TAOK2: variants seen among roughly 807,000 people sequenced by gnomAD.
TAOK2 encodes TAO kinase 2, also known as serine/threonine-protein kinase TAO2.
Under a neutral mutation model 122.5 loss-of-function variants are expected in TAOK2, and 42 were observed. That is an observed-to-expected ratio of 0.34 (90% confidence interval 0.27 to 0.44). The LOEUF (loss-of-function observed/expected upper bound fraction) is 0.44. Among genes scored for constraint, TAOK2 ranks in the 20% least tolerant of loss-of-function variants. TAOK2 has a pLI of 1.00. For synonymous variants in TAOK2, 704 were observed against 677.6 expected, an observed-to-expected ratio of 1.04 and a Z score of -0.61; for missense variants, 1,264 against 1,644.9, an observed-to-expected ratio of 0.77 and a Z score of 4.01.
chr16:29,986,142 T>C lies in TAOK2; in HGVS notation c.1993-123T>C, dbSNP rs149977682. On this transcript the variant is annotated intron_variant, in intron 15 of 15. Coordinates refer to ENST00000308893, the MANE Select transcript of TAOK2 (RefSeq NM_016151.4). This position sits in a 1 kb window ranked among gnomAD's most constrained non-coding sequence, Gnocchi z 4.2. Reference sequence around the variant, plus strand: ...GAGCCCTGGCCCCTCACTTCCTTGATACTGACCAGGCCCTGGGCCCTGTGT... The same window carrying C: ...GAGCCCTGGCCCCTCACTTCCTTGACACTGACCAGGCCCTGGGCCCTGTGT... 1.8e-4 allele frequency: 260 copies of C among 1,424,274 alleles called. 2 individuals are homozygous for C. The African/African-American group carries it at 2.9e-3, about 16-fold the overall frequency. The allele number at this position is 1,424,274 out of a possible 1,614,324, so 88.2% of individuals were successfully genotyped here.
At chr16:29,988,430 TC>T (rs1266902534), downstream of TAOK2, 7 of 1,284,024 alleles carry the variant, frequency 5.5e-6, no homozygotes, top group African/African-American at 1.1e-4. Flanking sequence ...GTCTGCTTTG[TC>T]CTGCCGCCTA....
chr16:29,988,030 C>A lies in TAOK2; in HGVS notation c.*50C>A. ...ATCTAGAGCATTGAGCACTTTATCTCCCACGACTCAGTGAAGTTTCTCCAG... is the reference window on the plus strand; with the variant it reads ...ATCTAGAGCATTGAGCACTTTATCTACCACGACTCAGTGAAGTTTCTCCAG... On this transcript the variant is annotated 3_prime_UTR_variant, in exon 16 of 16. Coordinates refer to ENST00000308893, the MANE Select transcript of TAOK2 (RefSeq NM_016151.4). The A allele has an allele frequency of 6.7e-7, 1 of 1,488,146 alleles. No homozygotes were observed. 92.2% of individuals were successfully genotyped at this position (1,488,146 alleles called of 1,614,324 possible).
At position 29,978,175 on chromosome 16, in the gene TAOK2, A is replaced by G. The variant is rs376325021; in HGVS notation, c.204+15A>G. ...AGTCCAATGAGGTGGGCCAGGTGCA[A>G]TACAGCCAGGTTGGGGACAGGGGAC... On this transcript the variant is annotated intron_variant, in intron 3 of 15. Coordinates refer to ENST00000308893, the MANE Select transcript of TAOK2 (RefSeq NM_016151.4). 4 of 1,613,914 alleles carry G rather than the reference A, an allele frequency of 2.5e-6. No homozygotes were observed. Among genetic ancestry groups the G allele is most frequent in the South Asian group, 1.1e-5 (1 of 91,080 alleles).
At chr16:29,974,811 T>C (rs2069402957) in intron 1 of TAOK2, among the ~76,000 whole-genome samples, 163 bp downstream of exon 1, 1 of 152,104 alleles carries the variant, frequency 6.6e-6, no homozygotes, top group South Asian at 2.1e-4. Flanking sequence ...TGCCACCCCC[T>C]TCCCCTTCCT....
At chr16:29,991,469 G>T, downstream of TAOK2, 1 of 1,494,780 alleles carries the variant, frequency 6.7e-7, no homozygotes, top group African/African-American at 1.4e-5. This position sits in a 1 kb window ranked among gnomAD's most constrained non-coding sequence, Gnocchi z 5.6. Flanking sequence ...GTGGCAGTGA[G>T]AATGTGGGCC....
intron 1 of TAOK2, among the ~76,000 whole-genome samples, chr16:29,975,705 T>C (rs2069434208): frequency 6.6e-6 from 1 of 152,202 alleles, no homozygotes; most frequent in Non-Finnish European, 1.5e-5. Context: ...GTGGCATCTT[T>C]TAACTGTTCA....
intron 12 of TAOK2, 64 bp downstream of exon 12, chr16:29,983,396 C>G: frequency 6.4e-7 from 1 of 1,561,012 alleles, no homozygotes; most frequent in Non-Finnish European, 8.7e-7. Context: ...TCTTCGCCCT[C>G]CTTCCCTAAG....
At position 29,986,844 on chromosome 16, in the gene TAOK2, G is replaced by A; in HGVS notation, c.2572G>A (p.Glu858Lys). 1 of 1,614,026 alleles carries A rather than the reference G, an allele frequency of 6.2e-7. No homozygotes were observed. The highest frequency in any genetic ancestry group is 8.5e-7 in the Non-Finnish European group (1 of 1,179,942). ...TAGGGTGCCCTCCCTTGTACCCCAG[G>A]AGAGGAGCATTGTTGGCCAGGAGGA... ...ELRVPSLVPQ[E>K]RSIVGQEEAG... Residue 858 changes from glutamate to lysine, a missense_variant, in exon 16 of 16, where the codon GAG becomes AAG. Physicochemically the swap from Glu to Lys is moderately conservative, Grantham distance 56. Transcript: ENST00000308893. This position sits in a 1 kb window ranked among gnomAD's most constrained non-coding sequence, Gnocchi z 4.2.
chr16:29,979,599 G>T lies in TAOK2; in HGVS notation c.655+91G>T. The T allele has an allele frequency of 4.6e-6, 5 of 1,077,482 alleles. No individual in the cohort carries two copies. Among genetic ancestry groups the T allele is most frequent in the Non-Finnish European group, 6.5e-6 (5 of 771,636 alleles). 66.7% of individuals were successfully genotyped at this position (1,077,482 alleles called of 1,614,324 possible). A position where few individuals can be genotyped will look rare whatever the true frequency, so the allele number is the denominator to read the frequency against. The stretch of plus-strand genomic sequence containing the variant: ...GACTACCCCCTTCTCCTAGGGATGG[G>T]ATCCCAGGCCTCCAAGTTCCTGTCC... On this transcript the variant is annotated intron_variant, in intron 8 of 15. Coordinates refer to ENST00000308893, the MANE Select transcript of TAOK2 (RefSeq NM_016151.4). The surrounding 1 kb of genome is among the most constrained non-coding windows in gnomAD (Gnocchi z 4.1).
At position 29,979,249 on chromosome 16, in the gene TAOK2, G is replaced by A; in HGVS notation, c.504G>A (p.Gly168=). The A allele has an allele frequency of 1.9e-6, 3 of 1,614,178 alleles. No homozygotes were observed. Among genetic ancestry groups the A allele is most frequent in the Non-Finnish European group, 1.7e-6 (2 of 1,180,038 alleles). Residue 168 remains glycine (G), a synonymous_variant, in exon 7 of 16, where the codon GGG becomes GGA. Transcript: ENST00000308893. This position sits in a 1 kb window ranked among gnomAD's most constrained non-coding sequence, Gnocchi z 4.1. ...LLSEPGLVKL[G]DFGSASIMAP... ...CAGAGCCAGGGTTAGTGAAGCTAGG[G>A]GACTTTGGTTCTGCGTCCATCATGG...
downstream of TAOK2, chr16:29,989,315 C>T (rs1165387607): frequency 2.0e-6 from 2 of 984,752 alleles, no homozygotes; most frequent in South Asian, 4.7e-5. Flanking sequence ...CTCTTGGAAC[C>T]TCTTGTCTTC....
downstream of TAOK2, chr16:29,989,565 A>G (rs1196680813): frequency 5.6e-6 from 9 of 1,609,024 alleles, no homozygotes; most frequent in Non-Finnish European, 7.6e-6. Context: ...CGCTGCCCCC[A>G]TCTCCCCTTG....
Position 29,985,035 on chromosome 16 carries a change from A to G in TAOK2, c.1423-178A>G. 1 of 771,468 alleles carries G rather than the reference A, an allele frequency of 1.3e-6. No individual in the cohort carries two copies. The highest frequency in any genetic ancestry group is 1.8e-6 in the Non-Finnish European group (1 of 541,966). 47.8% of individuals were successfully genotyped at this position (771,468 alleles called of 1,614,324 possible). A position where few individuals can be genotyped will look rare whatever the true frequency, so the allele number is the denominator to read the frequency against. On this transcript the variant is annotated intron_variant, in intron 13 of 15. Coordinates refer to ENST00000308893, the MANE Select transcript of TAOK2 (RefSeq NM_016151.4). This position sits in a 1 kb window ranked among gnomAD's most constrained non-coding sequence, Gnocchi z 6.9. ...TCGGCCACACCAACTTGTGATGTAG[A>G]TAATATCACCATTATCCAGTTGAGG...
At position 29,985,759 on chromosome 16, in the gene TAOK2, G is replaced by A. The variant is rs2069767250; in HGVS notation, c.1890G>A (p.Gly630=). The change falls in exon 15 of 16, where the codon GGG becomes GGA. Residue 630 remains glycine, a synonymous_variant. Coordinates refer to ENST00000308893, the MANE Select transcript of TAOK2 (RefSeq NM_016151.4). The surrounding 1 kb of genome is among the most constrained non-coding windows in gnomAD (Gnocchi z 6.9). ...AGTGCCAGGCGGAGGAGGAAGCAGG[G>A]CTGCTGCGGCGGCAGCGCCAGTACT... is the stretch of plus-strand genomic sequence containing the variant. ...LQQCQAEEEA[G]LLRRQRQYFE... 6.2e-7 allele frequency: 1 copy of A among 1,611,482 alleles called. No homozygotes were observed. The highest frequency in any genetic ancestry group is 8.5e-7 in the Non-Finnish European group (1 of 1,179,728).
At chr16:29,990,690 T>G (rs1567254964), downstream of TAOK2, 1 of 1,301,520 alleles carries the variant, frequency 7.7e-7, no homozygotes, top group Non-Finnish European at 1.0e-6. Context: ...GACCGCTGCT[T>G]CTTGAAACCT....
downstream of TAOK2, chr16:29,989,678 T>A: frequency 6.2e-7 from 1 of 1,614,118 alleles, no homozygotes; most frequent in Non-Finnish European, 8.5e-7. Flanking sequence ...GCACACTTGC[T>A]GGAGACCACG....
At position 29,987,416 on chromosome 16, in the gene TAOK2, C is replaced by G; in HGVS notation, c.3144C>G (p.Ala1048=). The G allele has an allele frequency of 6.2e-7, 1 of 1,606,592 alleles. No homozygotes were observed. Among genetic ancestry groups the G allele is most frequent in the Non-Finnish European group, 8.5e-7 (1 of 1,174,996 alleles). ...LMGVPLGLGA[A]WLLAWPGLAL... is the part of the protein sequence containing the mutation. Reference sequence around the variant, plus strand: ...GTGTTCCCCTGGGCCTTGGAGCTGCCTGGCTCTTAGCTTGGCCAGGCCTAG... The same window carrying G: ...GTGTTCCCCTGGGCCTTGGAGCTGCGTGGCTCTTAGCTTGGCCAGGCCTAG... The change falls in exon 16 of 16, where the codon GCC becomes GCG. Residue 1048 remains alanine, a synonymous_variant. Transcript: ENST00000308893.
downstream of TAOK2, chr16:29,988,579 C>T (rs1181135062): frequency 1.6e-5 from 16 of 985,280 alleles, no homozygotes; most frequent in African/African-American, 3.5e-5. Context: ...TGACCACCAC[C>T]GGCTCTGGGG....
Position 29,982,072 on chromosome 16 carries a change from A to G in TAOK2, c.831+132A>G, listed in dbSNP as rs1030058202. On this transcript the variant is annotated intron_variant, in intron 10 of 15. Transcript: ENST00000308893. ...GTTGATGAATTCCCACCCCATCCCC[A>G]ATGCCTAGTGGACTCTGTGTTTTAC... 6.5e-5 allele frequency: 46 copies of G among 710,142 alleles called. No individual in the cohort carries two copies. In the Middle Eastern group the frequency reaches 1.3e-3, roughly 21 times the overall value. 44.0% of individuals were successfully genotyped at this position (710,142 alleles called of 1,614,324 possible).
Sources: gnomAD v4.1 joint callset for allele counts (sites outside exome capture counted in the v4.1 genomes callset) on GRCh38, gnomAD v4.1.1 for gene constraint, Gnocchi (gnomAD v3.1) non-coding constraint, MANE v1.5 for transcripts, NCBI Gene and HGNC (gene_info 2026-07-23, HGNC 2026-07-21) for gene names.